GTF2IRD1: variants seen among roughly 807,000 people sequenced by gnomAD.
GTF2IRD1 encodes the protein GTF2I repeat domain containing 1.
A neutral mutation model predicts 113.2 loss-of-function variants in GTF2IRD1; 26 were observed. The ratio of observed to expected loss-of-function variants is 0.23; its 90% confidence interval spans 0.17 to 0.32. The LOEUF (loss-of-function observed/expected upper bound fraction) is 0.32. GTF2IRD1 is among the 10% of genes least tolerant of loss of function. GTF2IRD1 has a pLI of 1.00. For missense variants in GTF2IRD1, 864 were observed against 1,280.8 expected (o/e 0.67, Z 4.97); for synonymous variants, 484 against 529.1 (o/e 0.91, Z 1.17).
intron 1 of GTF2IRD1, among the ~76,000 whole-genome samples, chr7:74,461,555 A>G (rs1793363186): frequency 6.6e-6 from 1 of 152,142 alleles, no homozygotes; most frequent in African/African-American, 2.4e-5. Flanking sequence ...CGGCTGGCAC[A>G]TGAGAAGGGC....
intron 1 of GTF2IRD1, among the ~76,000 whole-genome samples, chr7:74,479,285 TCTGCCCACCACTTCCTGCC>T (rs1554334103): frequency 6.6e-6 from 1 of 152,132 alleles, no homozygotes; most frequent in Admixed American, 6.6e-5. Flanking sequence ...CACGCTGGTC[TCTGCCCACCACTTCCTGCC>T]CTGCCCTGCA....
At chr7:74,456,899 T>A (rs1188915457) in intron 1 of GTF2IRD1, among the ~76,000 whole-genome samples, 6 of 152,112 alleles carry the variant, frequency 3.9e-5, no homozygotes, top group African/African-American at 1.4e-4. Context: ...CTTCAGGACT[T>A]GGCTTGGCTG....
At chr7:74,460,025 G>T (rs1554328673) in intron 1 of GTF2IRD1, among the ~76,000 whole-genome samples, 2 of 151,892 alleles carry the variant, frequency 1.3e-5, no homozygotes, top group South Asian at 4.2e-4. Flanking sequence ...ACCCAGGCTG[G>T]AGTGCAGTGG....
At chr7:74,481,243 C>T (rs1249476782) in intron 1 of GTF2IRD1, among the ~76,000 whole-genome samples, 1 of 152,228 alleles carries the variant, frequency 6.6e-6, no homozygotes, top group Non-Finnish European at 1.5e-5. Flanking sequence ...CATTCTTGAA[C>T]TCCTGGGCTC....
chr7:74,494,436 C>T (rs536843361), intron 1 of GTF2IRD1, among the ~76,000 whole-genome samples: 5 of 152,324 alleles, frequency 3.3e-5, no homozygotes, highest in African/African-American at 9.6e-5. Context: ...AGCTCAGAGT[C>T]CAGGGCAAGG....
rs1467877839 is a variant in GTF2IRD1 at position 74,540,030 on chromosome 7, G to A, written c.1618+62G>A. The A allele has an allele frequency of 4.0e-6, 5 of 1,251,276 alleles. No individual in the cohort carries two copies. The East Asian group carries it at 9.3e-5, about 23-fold the overall frequency. 77.5% of individuals were successfully genotyped at this position (1,251,276 alleles called of 1,614,324 possible). On this transcript the variant is annotated intron_variant, in intron 14 of 26. Coordinates refer to ENST00000424337, the MANE Select transcript of GTF2IRD1 (RefSeq NM_005685.4). Reference sequence around the variant, plus strand: ...CAGCTCTCCAGGGAGCAAAGGGAAAGGGGTGGGCCAGGCCGTCCCCAGGTG... The same window carrying A: ...CAGCTCTCCAGGGAGCAAAGGGAAAAGGGTGGGCCAGGCCGTCCCCAGGTG...
chr7:74,564,045 G>T (rs1221691188), intron 22 of GTF2IRD1, among the ~76,000 whole-genome samples: 2 of 151,732 alleles, frequency 1.3e-5, no homozygotes, highest in African/African-American at 4.8e-5. Flanking sequence ...TTTGTTTTAA[G>T]ATGGAGTTTC....
In GTF2IRD1 at chr7:74,590,137, AGTGGC is replaced by A. The variant is rs1554369014; in HGVS notation, c.2398+212_2398+216del. Among the ~76,000 whole-genome samples, 3 of 152,074 alleles carry A rather than the reference AGTGGC, an allele frequency of 2.0e-5. No individual in the cohort carries two copies. In the East Asian group the frequency reaches 5.8e-4, roughly 29 times the overall value. On this transcript the variant is annotated intron_variant, in intron 23 of 26. Coordinates refer to ENST00000424337, the MANE Select transcript of GTF2IRD1 (RefSeq NM_005685.4). Reference sequence around the variant, plus strand: ...CACTCTGTTGCCCAAGCTGGAGTACAGTGGCGTATCTCCGCTCACTGCAGCCTTCA... The same window carrying A: ...CACTCTGTTGCCCAAGCTGGAGTACAGTATCTCCGCTCACTGCAGCCTTCA...
chr7:74,514,723 C>T (rs1437321865), intron 3 of GTF2IRD1, among the ~76,000 whole-genome samples: 5 of 151,828 alleles, frequency 3.3e-5, no homozygotes, highest in African/African-American at 1.2e-4. Flanking sequence ...AGGGTTTTCT[C>T]TCCCTCCGGC....
chr7:74,460,092 C>T (rs1793265452), intron 1 of GTF2IRD1, among the ~76,000 whole-genome samples: 1 of 151,038 alleles, frequency 6.6e-6, no homozygotes, highest in Non-Finnish European at 1.5e-5. Context: ...CCTTCTGGCT[C>T]AGTCTCCCAA....
chr7:74,575,458 G>C (rs1224090933), intron 22 of GTF2IRD1, among the ~76,000 whole-genome samples: 1 of 152,236 alleles, frequency 6.6e-6, no homozygotes, highest in Non-Finnish European at 1.5e-5. Context: ...GTTCTGAGCA[G>C]AGGGTAACAG....
chr7:74,600,815 C>G, intron 25 of GTF2IRD1: 5 of 594,618 alleles, frequency 8.4e-6, no homozygotes, highest in Non-Finnish European at 1.2e-5. Context: ...GGCAGGCAGG[C>G]CAGCAAGAGC....
At chr7:74,493,799 G>A (rs1795497459) in intron 1 of GTF2IRD1, among the ~76,000 whole-genome samples, 1 of 151,364 alleles carries the variant, frequency 6.6e-6, no homozygotes, top group Non-Finnish European at 1.5e-5. Context: ...GCTCACTGCA[G>A]CCTTGACCTC....
intron 14 of GTF2IRD1, among the ~76,000 whole-genome samples, chr7:74,543,788 C>T (rs587747690): frequency 4.9e-5 from 7 of 141,942 alleles, no homozygotes; most frequent in African/African-American, 1.9e-4. Context: ...CTAGTTCCAG[C>T]TATTGAGGAG....
At chr7:74,459,230 C>T (rs538349777) in intron 1 of GTF2IRD1, among the ~76,000 whole-genome samples, 5 of 152,210 alleles carry the variant, frequency 3.3e-5, no homozygotes, top group African/African-American at 7.2e-5. Flanking sequence ...GAGACCGAGG[C>T]GGGCGGATCA....
chr7:74,544,254 G>A (rs587743729), intron 14 of GTF2IRD1, among the ~76,000 whole-genome samples: 1 of 152,212 alleles, frequency 6.6e-6, no homozygotes, highest in East Asian at 1.9e-4. Flanking sequence ...GCAATAGCAT[G>A]ACCTCGCTGC....
At position 74,512,804 on chromosome 7, in the gene GTF2IRD1, G is replaced by A. The variant is rs782708500; in HGVS notation, c.124-26G>A. ...TGTTCGGAGTATGGGGAGCCCTTCCGCTCACACAGCCTGCCCTTCCCACAG... is the reference window on the plus strand; with the variant it reads ...TGTTCGGAGTATGGGGAGCCCTTCCACTCACACAGCCTGCCCTTCCCACAG... On this transcript the variant is annotated intron_variant, in intron 2 of 26. Coordinates refer to ENST00000424337, the MANE Select transcript of GTF2IRD1 (RefSeq NM_005685.4). The surrounding 1 kb of genome is among the most constrained non-coding windows in gnomAD (Gnocchi z 4.4). The A allele has an allele frequency of 5.0e-6, 8 of 1,610,518 alleles. 1 individual carries two copies. Among genetic ancestry groups the A allele is most frequent in the South Asian group, 2.2e-5 (2 of 90,936 alleles).
At chr7:74,468,558 C>G (rs544076521) in intron 1 of GTF2IRD1, among the ~76,000 whole-genome samples, 21 of 151,010 alleles carry the variant, frequency 1.4e-4, no homozygotes, top group African/African-American at 4.6e-4. Flanking sequence ...ACTTGGGAGG[C>G]TGAGACAGGA....
intron 22 of GTF2IRD1, among the ~76,000 whole-genome samples, chr7:74,575,327 T>G (rs370495667): frequency 6.6e-6 from 1 of 152,154 alleles, no homozygotes; most frequent in East Asian, 1.9e-4. Flanking sequence ...TGAGGTCACC[T>G]GCCAAGGTAT....
Sources: allele counts gnomAD v4.1 joint callset (sites outside exome capture counted in the v4.1 genomes callset), GRCh38; gene constraint gnomAD v4.1.1; non-coding constraint Gnocchi (gnomAD v3.1); transcripts MANE v1.5; gene names NCBI Gene and HGNC (gene_info 2026-07-23, HGNC 2026-07-21).